Variants in PDE4D observed in about 807,000 individuals in gnomAD.
PDE4D encodes the protein phosphodiesterase 4D.
Under a neutral mutation model 87.4 loss-of-function variants are expected in PDE4D, and 24 were observed. That is an observed-to-expected ratio of 0.27 (90% confidence interval 0.20 to 0.39). The LOEUF (loss-of-function observed/expected upper bound fraction) is 0.39. Ranked by LOEUF, PDE4D falls within the 10% of genes least tolerant of loss-of-function variation. The pLI, the probability that PDE4D is intolerant of heterozygous loss-of-function variation, is 1.00. For missense variants in PDE4D, 714 were observed against 1,041.0 expected, an observed-to-expected ratio of 0.69 and a Z score of 4.32; for synonymous variants, 384 against 383.2, an observed-to-expected ratio of 1.00 and a Z score of -0.02.
At chr5:59,467,188 T>C (rs1175059242) in intron 1 of PDE4D, among the ~76,000 whole-genome samples, 2 of 152,202 alleles carry the variant, frequency 1.3e-5, no homozygotes, top group Non-Finnish European at 2.9e-5. Flanking sequence ...AGTAAATCAA[T>C]TCCTACTATT....
chr5:60,307,160 T>A (rs1754571587), intron 1 of PDE4D, among the ~76,000 whole-genome samples: 1 of 151,844 alleles, frequency 6.6e-6, no homozygotes, highest in Admixed American at 6.6e-5. Context: ...AAGAAAAAAA[T>A]TCACAACAAG....
rs1742430231 is a variant in PDE4D at position 59,838,213 on chromosome 5, C to T, written c.455+54955G>A. On this transcript the variant is annotated intron_variant, in intron 1 of 14. Coordinates refer to ENST00000340635, the MANE Select transcript of PDE4D (RefSeq NM_001104631.2). ...CCCCACCTGCTTACTACACCTCCTT[C>T]ATCTTCACCCAAGGCATCCCCACCT... Among the ~76,000 whole-genome samples the T allele has an allele frequency of 2.6e-5, 4 of 152,152 alleles. 1 individual carries two copies. The South Asian group carries it at 8.3e-4, about 32-fold the overall frequency.
chr5:59,866,753 T>C (rs1379136866), intron 1 of PDE4D, among the ~76,000 whole-genome samples: 2 of 152,224 alleles, frequency 1.3e-5, no homozygotes, highest in Non-Finnish European at 2.9e-5. Flanking sequence ...CTGTAGAAAG[T>C]CTGTCTTGAG....
chr5:59,309,941 G>C (rs2153565305), intron 1 of PDE4D, among the ~76,000 whole-genome samples: 1 of 152,238 alleles, frequency 6.6e-6, no homozygotes. Context: ...TTTGGCTGGA[G>C]GCACCCAACT....
At chr5:59,480,532 C>T (rs1303733233) in intron 1 of PDE4D, among the ~76,000 whole-genome samples, 1 of 152,104 alleles carries the variant, frequency 6.6e-6, no homozygotes. Context: ...GCTTCTGCTT[C>T]CCTTCATTCA....
At chr5:59,082,171 T>C (rs1766887903) in intron 5 of PDE4D, among the ~76,000 whole-genome samples, 2 of 152,194 alleles carry the variant, frequency 1.3e-5, no homozygotes, top group South Asian at 4.1e-4. Flanking sequence ...CAGTAGTATA[T>C]CACACTTATT....
At chr5:59,256,365 T>C (rs914609550) in intron 1 of PDE4D, among the ~76,000 whole-genome samples, 2 of 152,064 alleles carry the variant, frequency 1.3e-5, no homozygotes, top group Admixed American at 1.3e-4. Context: ...CTCCTTTTAA[T>C]AGGCATGAAT....
At chr5:60,050,790 A>T (rs1331064951) in intron 2 of PDE4D, among the ~76,000 whole-genome samples, 1 of 152,176 alleles carries the variant, frequency 6.6e-6, no homozygotes, top group Non-Finnish European at 1.5e-5. Context: ...TCAGGAGACC[A>T]ATCTCACGTG....
chr5:60,307,377 A>C (rs1754596832), intron 1 of PDE4D, among the ~76,000 whole-genome samples: 1 of 152,198 alleles, frequency 6.6e-6, no homozygotes, highest in Admixed American at 6.5e-5. Flanking sequence ...TTGATGCCAA[A>C]GACACCAAAA....
rs79867683 is a variant in PDE4D at position 59,084,037 on chromosome 5, G to A, written c.809-45066C>T. Among the ~76,000 whole-genome samples, 412 of 152,092 alleles carry A rather than the reference G, an allele frequency of 2.7e-3. 3 individuals are homozygous for A. In the East Asian group the frequency reaches 0.044, roughly 16 times the overall value. On this transcript the variant is annotated intron_variant, in intron 5 of 14. Transcript: ENST00000340635. Reference sequence around the variant, plus strand: ...GATTGTTTGTATAATTTAGCACAACGATGTGAGAATAACCCAGGAAATTCT... The same window carrying A: ...GATTGTTTGTATAATTTAGCACAACAATGTGAGAATAACCCAGGAAATTCT...
intron 1 of PDE4D, among the ~76,000 whole-genome samples, chr5:59,814,728 C>T (rs1257624232): frequency 6.6e-6 from 1 of 152,178 alleles, no homozygotes; most frequent in Non-Finnish European, 1.5e-5. Context: ...GGGCTCTCTG[C>T]TGGGGACCAG....
intron 2 of PDE4D, among the ~76,000 whole-genome samples, chr5:60,105,237 C>A (rs527747449): frequency 1.3e-5 from 2 of 151,912 alleles, no homozygotes; most frequent in African/African-American, 2.4e-5. Context: ...GGAGCCAATG[C>A]GATCAACTGG....
chr5:58,999,315 C>G (rs1580192953), intron 6 of PDE4D, among the ~76,000 whole-genome samples: 1 of 152,122 alleles, frequency 6.6e-6, no homozygotes, highest in African/African-American at 2.4e-5. Context: ...CAAACTACAA[C>G]TGATGAAAGT....
intron 1 of PDE4D, among the ~76,000 whole-genome samples, chr5:59,687,034 A>G (rs990685363): frequency 2.6e-5 from 4 of 152,160 alleles, no homozygotes; most frequent in Admixed American, 2.6e-4. Flanking sequence ...AGAAGCAGCT[A>G]AGAGAGAAAT....
chr5:60,009,919 GAT>G (rs1165365684), intron 2 of PDE4D, among the ~76,000 whole-genome samples: 1 of 152,030 alleles, frequency 6.6e-6, no homozygotes, highest in East Asian at 1.9e-4. Flanking sequence ...AGAAAATTGA[GAT>G]AATTTAAATT....
At chr5:60,488,683 A>G (rs565180868), upstream of PDE4D, among the ~76,000 whole-genome samples, 2 of 152,242 alleles carry the variant, frequency 1.3e-5, no homozygotes, top group Non-Finnish European at 2.9e-5. Context: ...GCAGATGGGT[A>G]GGCTTTTCAC....
intron 1 of PDE4D, among the ~76,000 whole-genome samples, chr5:60,319,606 T>C (rs1057150815): frequency 3.3e-5 from 5 of 152,158 alleles, no homozygotes; most frequent in Non-Finnish European, 7.3e-5. Flanking sequence ...TTCCCTATCT[T>C]TGTGGTTTTA....
intron 6 of PDE4D, among the ~76,000 whole-genome samples, chr5:59,004,254 A>G (rs920456200): frequency 3.0e-4 from 46 of 152,218 alleles, no homozygotes; most frequent in African/African-American, 1.1e-3. Flanking sequence ...GTAGTCAAAA[A>G]CTACTATAAC....
intron 2 of PDE4D, among the ~76,000 whole-genome samples, chr5:60,058,761 T>C (rs1771062655): frequency 6.6e-6 from 1 of 152,058 alleles, no homozygotes; most frequent in African/African-American, 2.4e-5. Context: ...TGTTGCCCTA[T>C]AACATTTTGA....
Sources: allele counts gnomAD v4.1 joint callset (sites outside exome capture counted in the v4.1 genomes callset), GRCh38; gene constraint gnomAD v4.1.1; transcripts MANE v1.5; gene names NCBI Gene and HGNC (gene_info 2026-07-23, HGNC 2026-07-21).